The following WDR70 variants were observed in gnomAD, a reference collection of about 807,000 sequenced individuals.
The protein encoded by WDR70 is WD repeat-containing protein 70.
A neutral mutation model predicts 88.6 loss-of-function variants in WDR70; 53 were observed. That is an observed-to-expected ratio of 0.60 (90% CI 0.48 to 0.75). The LOEUF is 0.75. WDR70 is among the 30% of genes least tolerant of loss of function. The pLI, the probability that WDR70 is intolerant of heterozygous loss-of-function variation, is 0.00. For synonymous variants in WDR70, 280 were observed against 270.0 expected, an observed-to-expected ratio of 1.04 and a Z score of -0.36; for missense variants, 610 against 823.2, an observed-to-expected ratio of 0.74 and a Z score of 3.17.
At chr5:37,487,619 A>ATTTTTTTT (rs1739918883) in intron 8 of WDR70, among the ~76,000 whole-genome samples, 1 of 93,510 alleles carries the variant, frequency 1.1e-5, no homozygotes, top group African/African-American at 4.3e-5. Flanking sequence ...ATATATATAT[A>ATTTTTTTT]TATATGTATT....
chr5:37,486,299 A>G (rs981265249), intron 8 of WDR70, among the ~76,000 whole-genome samples: 2 of 152,010 alleles, frequency 1.3e-5, no homozygotes, highest in African/African-American at 4.8e-5. Context: ...TTCTTTTGTT[A>G]TTGAATGCCC....
chr5:37,483,436 T>C (rs1038438814), intron 8 of WDR70, among the ~76,000 whole-genome samples: 13 of 152,314 alleles, frequency 8.5e-5, no homozygotes, highest in African/African-American at 2.4e-4. Context: ...CATAGATCAA[T>C]AGCATCCCAA....
At chr5:37,645,678 A>G (rs543282598) in intron 10 of WDR70, among the ~76,000 whole-genome samples, 85 of 152,196 alleles carry the variant, frequency 5.6e-4, no homozygotes, top group Non-Finnish European at 7.8e-4. Flanking sequence ...TATATTTATA[A>G]TTGTTATATC....
At chr5:37,392,510 C>T (rs1366180143) in intron 4 of WDR70, among the ~76,000 whole-genome samples, 7 of 151,814 alleles carry the variant, frequency 4.6e-5, no homozygotes, top group African/African-American at 7.3e-5. Flanking sequence ...CTACCACGGC[C>T]GGCTAATTCT....
intron 8 of WDR70, among the ~76,000 whole-genome samples, chr5:37,508,251 T>TTC (rs1304316476): frequency 6.6e-6 from 1 of 152,068 alleles, no homozygotes; most frequent in Non-Finnish European, 1.5e-5. Context: ...TGAGGGTGGA[T>TTC]TCTCTATGAT....
chr5:37,449,936 C>T (rs1738625171), intron 7 of WDR70, among the ~76,000 whole-genome samples: 1 of 152,074 alleles, frequency 6.6e-6, no homozygotes, highest in Non-Finnish European at 1.5e-5. Flanking sequence ...TGTGATATTC[C>T]CCTCCTTGTG....
chr5:37,399,379 C>G (rs1012479690), intron 5 of WDR70, among the ~76,000 whole-genome samples: 12 of 152,292 alleles, frequency 7.9e-5, no homozygotes, highest in African/African-American at 2.9e-4. Context: ...CAAGATTGCA[C>G]CACTGCACTC....
chr5:37,591,781 G>A (rs1743537929), intron 9 of WDR70, among the ~76,000 whole-genome samples: 1 of 152,034 alleles, frequency 6.6e-6, no homozygotes, highest in African/African-American at 2.4e-5. Context: ...AATCCTTAAC[G>A]AAACATCAGC....
At chr5:37,444,974 G>T (rs1738411404) in intron 7 of WDR70, among the ~76,000 whole-genome samples, 1 of 152,086 alleles carries the variant, frequency 6.6e-6, no homozygotes, top group Non-Finnish European at 1.5e-5. Flanking sequence ...GAGCTCAGGT[G>T]GTAACGCTTG....
Position 37,450,449 on chromosome 5 carries a change from C to T in WDR70, c.686+7077C>T, listed in dbSNP as rs570061535. ...AGTGTTTTGTATCTCTCTACATCCA[C>T]GTTAACCTGAACACCAGTTCATACT... On this transcript the variant is annotated intron_variant, in intron 7 of 17. Coordinates refer to ENST00000265107, the MANE Select transcript of WDR70 (RefSeq NM_018034.4). Among the ~76,000 whole-genome samples the T allele has an allele frequency of 5.9e-5, 9 of 152,266 alleles. No individual in the cohort carries two copies. The East Asian group carries it at 1.2e-3, about 20-fold the overall frequency.
intron 10 of WDR70, among the ~76,000 whole-genome samples, chr5:37,670,226 G>A (rs1053355595): frequency 1.3e-4 from 19 of 151,956 alleles, no homozygotes; most frequent in African/African-American, 4.3e-4. Context: ...AAAAAAAGGG[G>A]GAGTATATGC....
chr5:37,704,422 T>C (rs1398784580), intron 13 of WDR70, among the ~76,000 whole-genome samples: 3 of 152,214 alleles, frequency 2.0e-5, no homozygotes, highest in Non-Finnish European at 2.9e-5. Flanking sequence ...GATGTAGACA[T>C]ATGATTGCAC....
chr5:37,612,158 C>T (rs1230419685), intron 10 of WDR70, among the ~76,000 whole-genome samples: 1 of 151,992 alleles, frequency 6.6e-6, no homozygotes, highest in Non-Finnish European at 1.5e-5. Flanking sequence ...TTTTTTAATA[C>T]CAAATGATTT....
intron 13 of WDR70, among the ~76,000 whole-genome samples, chr5:37,707,203 A>G (rs1296125507): frequency 6.6e-6 from 1 of 152,194 alleles, no homozygotes; most frequent in African/African-American, 2.4e-5. Context: ...GGTTTATGCA[A>G]TTGTACCAGT....
chr5:37,625,396 T>C (rs1478683343), intron 10 of WDR70, among the ~76,000 whole-genome samples: 1 of 152,198 alleles, frequency 6.6e-6, no homozygotes, highest in African/African-American at 2.4e-5. Context: ...TGTTATCTAG[T>C]TATAGTTTTG....
In WDR70 at chr5:37,422,988, C is replaced by T. The variant is rs76494019; in HGVS notation, c.493-14934C>T. ...GTTGTGAAAAGTTTTTGATTGCTACCAAGGTGGTGGAGAGCCATTGAAGGT... is the reference window on the plus strand; with the variant it reads ...GTTGTGAAAAGTTTTTGATTGCTACTAAGGTGGTGGAGAGCCATTGAAGGT... On this transcript the variant is annotated intron_variant, in intron 5 of 17. Transcript: ENST00000265107. Among the ~76,000 whole-genome samples, 1,364 of 152,040 alleles carry T rather than the reference C, an allele frequency of 9.0e-3. 24 individuals carry two copies. Among genetic ancestry groups the T allele is most frequent in the African/African-American group, 0.032 (1,309 of 41,474 alleles).
At chr5:37,696,985 C>G (rs1747003564) in intron 10 of WDR70, among the ~76,000 whole-genome samples, 1 of 152,222 alleles carries the variant, frequency 6.6e-6, no homozygotes, top group Non-Finnish European at 1.5e-5. Context: ...CTACTACTTA[C>G]TAACTGTGTG....
At chr5:37,397,404 G>C (rs1749051123) in intron 5 of WDR70, among the ~76,000 whole-genome samples, 1 of 151,454 alleles carries the variant, frequency 6.6e-6, no homozygotes, top group Admixed American at 6.6e-5. Context: ...GGGAGGCAGA[G>C]GTTGCAGTGA....
At chr5:37,579,682 G>A (rs1199754500) in intron 9 of WDR70, among the ~76,000 whole-genome samples, 1 of 151,146 alleles carries the variant, frequency 6.6e-6, no homozygotes, top group East Asian at 1.9e-4. Context: ...TTGGATCTCA[G>A]TGTATTTTTA....
Sources: allele counts gnomAD v4.1 joint callset (sites outside exome capture counted in the v4.1 genomes callset), GRCh38; gene constraint gnomAD v4.1.1; transcripts MANE v1.5; gene names NCBI Gene and HGNC (gene_info 2026-07-23, HGNC 2026-07-21).